Variants in DPEP2NB observed in about 807,000 individuals in gnomAD.
DPEP2NB encodes the protein DPEP2 neighbor protein.
For synonymous variants in DPEP2NB, 35 were observed against 55.3 expected (o/e 0.63, Z 1.63); for missense variants, 117 against 151.8 (o/e 0.77, Z 1.21).
chr16:68,014,497 G>T, intron 1 of DPEP2NB, 85 bp from the exon 2 acceptor site: 1 of 939,530 alleles, frequency 1.1e-6, no homozygotes, highest in Non-Finnish European at 1.4e-6. Flanking sequence ...TTCCTAAGAA[G>T]TCCTTTCATC....
chr16:68,014,305 C>G lies in DPEP2NB; in HGVS notation c.175G>C (p.Gly59Arg). Residue 59 changes from glycine to arginine, a missense_variant, in exon 2 of 2, where the codon GGT (glycine) becomes CGT (arginine). By Grantham distance (125) the Gly-to-Arg change is moderately radical. Transcript: ENST00000574912. Reference protein sequence around the residue: ...GWHGETYCLVGGYRVHGDAPL... With the variant: ...GWHGETYCLVRGYRVHGDAPL... ...GCATCCCCATGGACCCGGTAGCCAC[C>G]AACCAGGCAGTACGTCTCCCCATGC... is the stretch of plus-strand genomic sequence containing the variant. 8.1e-7 allele frequency: 1 copy of G among 1,231,808 alleles called. No individual in the cohort carries two copies. Among genetic ancestry groups the G allele is most frequent in the Non-Finnish European group, 1.0e-6 (1 of 988,044 alleles). 76.3% of individuals were successfully genotyped at this position (1,231,808 alleles called of 1,614,324 possible).
At chr16:68,014,715 T>C (rs1427210446) in intron 1 of DPEP2NB, among the ~76,000 whole-genome samples, 1 of 152,138 alleles carries the variant, frequency 6.6e-6, no homozygotes, top group Admixed American at 6.6e-5. Context: ...TTGTAAAAAA[T>C]GATCTACTAT....
intron 1 of DPEP2NB, among the ~76,000 whole-genome samples, chr16:68,014,800 G>A (rs2033156598): frequency 6.6e-6 from 1 of 152,060 alleles, no homozygotes; most frequent in Non-Finnish European, 1.5e-5. Context: ...CTTGAGCCCA[G>A]GAGTACCAGC....
chr16:68,014,381 AG>A lies in DPEP2NB; in HGVS notation c.98del (p.Pro33LeufsTer16). 8.1e-7 allele frequency: 1 copy of A among 1,231,848 alleles called. No homozygotes were observed. The highest frequency in any genetic ancestry group is 1.0e-6 in the Non-Finnish European group (1 of 988,038). The allele number at this position is 1,231,848 out of a possible 1,614,324, so 76.3% of individuals were successfully genotyped here. Reference sequence around the variant, plus strand: ...CTCGGTAGAGAACATGGTAGTGCCCAGGTGTGGGAGGAGAAGTGGCAGGCAC... The same window carrying A: ...CTCGGTAGAGAACATGGTAGTGCCCAGTGTGGGAGGAGAAGTGGCAGGCAC... ...AAVPATSPPT[P>X]GHYHVLYRGC... On this transcript the variant is annotated frameshift_variant, in exon 2 of 2. Transcript: ENST00000574912. LOFTEE classifies it low-confidence loss of function (END_TRUNC).
chr16:68,015,687 G>A lies in DPEP2NB; in HGVS notation c.67+17C>T. ...GTACAGCAACGCCTCCTGTATAGAT[G>A]CCCCCTGTATGCCTACCTGCTGCGC... On this transcript the variant is annotated intron_variant, in intron 1 of 1. Coordinates refer to ENST00000574912, the MANE Select transcript of DPEP2NB (RefSeq NM_001282442.2). 8 of 1,223,730 alleles carry A rather than the reference G, an allele frequency of 6.5e-6. No individual in the cohort carries two copies. The highest frequency in any genetic ancestry group is 8.2e-6 in the Non-Finnish European group (8 of 980,690). The allele number at this position is 1,223,730 out of a possible 1,614,324, so 75.8% of individuals were successfully genotyped here.
At position 68,014,015 on chromosome 16, in the gene DPEP2NB, G is replaced by A. The variant is rs2033150068; in HGVS notation, c.*93C>T. 1 of 1,006,142 alleles carries A rather than the reference G, an allele frequency of 9.9e-7. No homozygotes were observed. The highest frequency in any genetic ancestry group is 1.7e-5 in the African/African-American group (1 of 59,864). 62.3% of individuals were successfully genotyped at this position (1,006,142 alleles called of 1,614,324 possible). The stretch of plus-strand genomic sequence containing the variant: ...AGGAAGGCATAGGCAGAATGACTCA[G>A]GCTCTATCTGCAGTGGTGGGCAGGG... On this transcript the variant is annotated 3_prime_UTR_variant, in exon 2 of 2. Coordinates refer to ENST00000574912, the MANE Select transcript of DPEP2NB (RefSeq NM_001282442.2).
In DPEP2NB at chr16:68,014,236, G is replaced by C; in HGVS notation, c.244C>G (p.Pro82Ala). The change falls in exon 2 of 2, where the codon CCC (proline) becomes GCC (alanine). Residue 82 changes from proline to alanine, a missense_variant. Physicochemically the swap from Pro to Ala is conservative, Grantham distance 27. Coordinates refer to ENST00000574912, the MANE Select transcript of DPEP2NB (RefSeq NM_001282442.2). ...TGACGTCTCTTGGGAGCACGCCTGG[G>C]GGCTGGCTTCTCTGCTTCAGCCTTT... The part of the protein sequence containing the change: ...PTKAEAEKPA[P>A]RRAPKRRQAT... 8.1e-7 allele frequency: 1 copy of C among 1,231,700 alleles called. No individual in the cohort carries two copies. Among genetic ancestry groups the C allele is most frequent in the Non-Finnish European group, 1.0e-6 (1 of 987,988 alleles). 76.3% of individuals were successfully genotyped at this position (1,231,700 alleles called of 1,614,324 possible).
rs2033148610 is a variant in DPEP2NB, at chr16:68,013,838, A to C, written c.*270T>G. The stretch of plus-strand genomic sequence containing the variant: ...CAGACTATTTCTATCTTCTGCCCAA[A>C]AAGGGACTCTGGAGAGATGAGTAGA... On this transcript the variant is annotated 3_prime_UTR_variant, in exon 2 of 2. Coordinates refer to ENST00000574912, the MANE Select transcript of DPEP2NB (RefSeq NM_001282442.2). The C allele has an allele frequency of 3.0e-6, 1 of 338,376 alleles. No homozygotes were observed. Among genetic ancestry groups the C allele is most frequent in the African/African-American group, 2.1e-5 (1 of 47,460 alleles). 21.0% of individuals were successfully genotyped at this position (338,376 alleles called of 1,614,324 possible).
chr16:68,013,567 T>C lies in DPEP2NB; in HGVS notation c.*541A>G, dbSNP rs1360460940. 1 of 152,218 alleles carries C rather than the reference T, an allele frequency of 6.6e-6. No individual in the cohort carries two copies. The highest frequency in any genetic ancestry group is 1.5e-5 in the Non-Finnish European group (1 of 68,118). The allele number at this position is 152,218 out of a possible 1,614,324, so 9.4% of individuals were successfully genotyped here. On this transcript the variant is annotated 3_prime_UTR_variant, in exon 2 of 2. Coordinates refer to ENST00000574912, the MANE Select transcript of DPEP2NB (RefSeq NM_001282442.2). The stretch of plus-strand genomic sequence containing the variant: ...TGTTGCTCAACTTCCTCCTTATTGT[T>C]CTTGCTGTAGGTGGCAGGTCTCCCC...
At chr16:68,015,227 A>G (rs1477883658) in intron 1 of DPEP2NB, among the ~76,000 whole-genome samples, 2 of 151,462 alleles carry the variant, frequency 1.3e-5, no homozygotes, top group African/African-American at 2.4e-5. Flanking sequence ...CCCTGTCACT[A>G]CTAAAAAGAG....
chr16:68,014,543 C>A, intron 1 of DPEP2NB, 131 bp from the exon 2 acceptor site: 1 of 506,196 alleles, frequency 2.0e-6, no homozygotes, highest in Non-Finnish European at 3.1e-6. Context: ...GGCCTATCAC[C>A]TCTATGTGTC....
At chr16:68,015,609 C>G (rs905538108) in intron 1 of DPEP2NB, 95 bp downstream of exon 1, 6 of 663,144 alleles carry the variant, frequency 9.0e-6, no homozygotes, top group Non-Finnish European at 1.3e-5. Context: ...TGGGAAAGCT[C>G]GAGGTGTGGT....
rs192219287 is a variant in DPEP2NB, at chr16:68,013,642, G to T, written c.*466C>A. 1.3e-3 allele frequency: 199 copies of T among 152,782 alleles called. 4 individuals are homozygous for T. In the Middle Eastern group the frequency reaches 0.044, roughly 34 times the overall value. The allele number at this position is 152,782 out of a possible 1,614,324, so 9.5% of individuals were successfully genotyped here. Reference sequence around the variant, plus strand: ...GATGCCAAGCAGGAGGCTTTCTCCTGCTGTGACTAGCCATGGGCTGCTGCT... The same window carrying T: ...GATGCCAAGCAGGAGGCTTTCTCCTTCTGTGACTAGCCATGGGCTGCTGCT... On this transcript the variant is annotated 3_prime_UTR_variant, in exon 2 of 2. Transcript: ENST00000574912.
At chr16:68,015,125 C>CT (rs1459676415) in intron 1 of DPEP2NB, among the ~76,000 whole-genome samples, 1 of 151,954 alleles carries the variant, frequency 6.6e-6, no homozygotes, top group East Asian at 1.9e-4. Context: ...GGCACAGTGC[C>CT]TCACGCCCGT....
At position 68,014,247 on chromosome 16, in the gene DPEP2NB, T is replaced by G. The variant is rs968806863; in HGVS notation, c.233A>C (p.Glu78Ala). 8.1e-7 allele frequency: 1 copy of G among 1,231,642 alleles called. No homozygotes were observed. Among genetic ancestry groups the G allele is most frequent in the African/African-American group, 1.6e-5 (1 of 64,408 alleles). 76.3% of individuals were successfully genotyped at this position (1,231,642 alleles called of 1,614,324 possible). ...GGGAGCACGCCTGGGGGCTGGCTTC[T>G]CTGCTTCAGCCTTTGTTGGGGTGGC... The part of the protein sequence containing the change: ...PLATPTKAEA[E>A]KPAPRRAPKR... The change falls in exon 2 of 2, where the codon GAG becomes GCG. Residue 78 changes from glutamate to alanine, a missense_variant. Physicochemically the swap from Glu to Ala is moderately radical, Grantham distance 107. Transcript: ENST00000574912.
chr16:68,014,920 G>T (rs1031582595), intron 1 of DPEP2NB, among the ~76,000 whole-genome samples: 2 of 151,884 alleles, frequency 1.3e-5, no homozygotes, highest in East Asian at 3.9e-4. Flanking sequence ...CAGGAGAATC[G>T]CTTGAACCTG....
At position 68,013,948 on chromosome 16, in the gene DPEP2NB, C is replaced by T. The variant is rs56377913; in HGVS notation, c.*160G>A. The T allele has an allele frequency of 0.024, 11,862 of 503,546 alleles. 161 individuals are homozygous for T. Among genetic ancestry groups the T allele is most frequent in the Non-Finnish European group, 0.03 (9,716 of 322,910 alleles). The allele number at this position is 503,546 out of a possible 1,614,324, so 31.2% of individuals were successfully genotyped here. On this transcript the variant is annotated 3_prime_UTR_variant, in exon 2 of 2. Transcript: ENST00000574912. ...ATTTTAAACCACAGTTTCTGAGGCT[C>T]CTTGGCCATGGGTAGTTAGCATGGA...
rs570254470 is a variant in DPEP2NB, at chr16:68,014,222, G to A, written c.258C>T (p.Pro86=). ...EAEKPAPRRA[P]KRRQATIESD... is the part of the protein sequence containing the mutation. ...ACTCTATCGTAGCTTGACGTCTCTT[G>A]GGAGCACGCCTGGGGGCTGGCTTCT... Residue 86 remains proline, a synonymous_variant, in exon 2 of 2, where the codon CCC becomes CCT. Transcript: ENST00000574912. 5 of 1,231,698 alleles carry A rather than the reference G, an allele frequency of 4.1e-6. No individual in the cohort carries two copies. Among genetic ancestry groups the A allele is most frequent in the Middle Eastern group, 3.1e-4 (1 of 3,208 alleles). 76.3% of individuals were successfully genotyped at this position (1,231,698 alleles called of 1,614,324 possible).
At position 68,014,257 on chromosome 16, in the gene DPEP2NB, C is replaced by T. The variant is rs2033151867; in HGVS notation, c.223G>A (p.Ala75Thr). 2.4e-6 allele frequency: 3 copies of T among 1,231,722 alleles called. No homozygotes were observed. The highest frequency in any genetic ancestry group is 3.1e-4 in the Middle Eastern group (1 of 3,210). The allele number at this position is 1,231,722 out of a possible 1,614,324, so 76.3% of individuals were successfully genotyped here. ...CTGGGGGCTGGCTTCTCTGCTTCAG[C>T]CTTTGTTGGGGTGGCCAAAGGAGCA... The part of the protein sequence containing the change: ...GDAPLATPTK[A>T]EAEKPAPRRA... The change falls in exon 2 of 2, where the codon GCT becomes ACT. Residue 75 changes from alanine (A) to threonine (T), a missense_variant. Coordinates refer to ENST00000574912, the MANE Select transcript of DPEP2NB (RefSeq NM_001282442.2).
Sources: allele counts gnomAD v4.1 joint callset (sites outside exome capture counted in the v4.1 genomes callset), GRCh38; gene constraint gnomAD v4.1.1; transcripts MANE v1.5; gene names NCBI Gene and HGNC (gene_info 2026-07-23, HGNC 2026-07-21).